The following FER1L5 variants were observed in gnomAD, a reference collection of about 807,000 sequenced individuals.
The protein encoded by FER1L5 is fer-1 like family member 5.
FER1L5 carries 187 observed loss-of-function variants against 279.9 expected under a neutral mutation model. The ratio of observed to expected loss-of-function variants is 0.67; its 90% CI spans 0.59 to 0.75. The LOEUF is 0.75. FER1L5 is among the 30% of genes least tolerant of loss of function. The probability of loss-of-function intolerance (pLI) is 0.00; values close to 1 mark genes in which losing one functional copy is unlikely to be tolerated. For missense variants in FER1L5, 2,091 were observed against 2,594.4 expected (o/e 0.81, Z 4.21); for synonymous variants, 921 against 989.7 (o/e 0.93, Z 1.30).
chr2:96,642,794 G>C lies in FER1L5; in HGVS notation c.-43G>C, dbSNP rs1313130273. 1.3e-6 allele frequency: 2 copies of C among 1,540,024 alleles called. No individual in the cohort carries two copies. The highest frequency in any genetic ancestry group is 1.8e-6 in the Non-Finnish European group (2 of 1,139,788). On this transcript the variant is annotated 5_prime_UTR_variant, in exon 1 of 53. Transcript: ENST00000624922. ...ACTGAGGAGCTCCAAAAAGGAAGCT[G>C]TGGCGCTGCGTAGGGAAGGAGGGAA...
intron 14 of FER1L5, among the ~76,000 whole-genome samples, chr2:96,664,744 T>C (rs1470165591): frequency 6.6e-6 from 1 of 152,164 alleles, no homozygotes; most frequent in Non-Finnish European, 1.5e-5. Context: ...AAGCAATGAG[T>C]GGGTCATACA....
chr2:96,664,781 T>C (rs1275245634), intron 14 of FER1L5, among the ~76,000 whole-genome samples: 1 of 152,246 alleles, frequency 6.6e-6, no homozygotes, highest in Non-Finnish European at 1.5e-5. Flanking sequence ...AACTTAAATG[T>C]GCCCTTTCAC....
chr2:96,685,517 C>T, intron 21 of FER1L5, 88 bp downstream of exon 21: 7 of 1,102,676 alleles, frequency 6.3e-6, no homozygotes, highest in Middle Eastern at 2.5e-4. Flanking sequence ...CTGAACACCT[C>T]CCCCCGCCCT....
At chr2:96,651,267 CTT>C (rs1238913223) in intron 6 of FER1L5, among the ~76,000 whole-genome samples, 1 of 150,054 alleles carries the variant, frequency 6.7e-6, no homozygotes, top group African/African-American at 2.5e-5. Flanking sequence ...TTCTTTCTTT[CTT>C]TCTTTCTTTC....
chr2:96,656,320 A>G (rs1450252007), intron 9 of FER1L5, among the ~76,000 whole-genome samples: 2 of 152,218 alleles, frequency 1.3e-5, no homozygotes, highest in Non-Finnish European at 2.9e-5. Flanking sequence ...ATTGTTTTAC[A>G]TATTTCTTTT....
In FER1L5 at chr2:96,689,288, A is replaced by AT. The variant is rs1336394924; in HGVS notation, c.2438dup (p.Met813IlefsTer48). ...TCACTGCCCCAACTTCTCGGATGTC[A>AT]TGGGGAACAAGACCCTCCCCATGAC... On this transcript the variant is annotated frameshift_variant, in exon 25 of 53. Coordinates refer to ENST00000624922, the MANE Select transcript of FER1L5 (RefSeq NM_001293083.2). LOFTEE classifies it high-confidence loss of function. This position sits in a 1 kb window ranked among gnomAD's most constrained non-coding sequence, Gnocchi z 4.6. The AT allele has an allele frequency of 1.9e-6, 3 of 1,550,450 alleles. No homozygotes were observed. The highest frequency in any genetic ancestry group is 2.6e-6 in the Non-Finnish European group (3 of 1,146,698).
intron 9 of FER1L5, among the ~76,000 whole-genome samples, chr2:96,659,290 T>TTCCTGCCTTCCTTCC (rs1553449027): frequency 1.2e-5 from 1 of 80,942 alleles, no homozygotes; most frequent in Non-Finnish European, 2.7e-5. Context: ...TTTATCAAGC[T>TTCCTGCCTTCCTTCC]TTCCTTCCTT....
chr2:96,689,027 C>A lies in FER1L5; in HGVS notation c.2362-186C>A, dbSNP rs1254940557. 6.5e-6 allele frequency: 4 copies of A among 619,586 alleles called. No homozygotes were observed. Among genetic ancestry groups the A allele is most frequent in the African/African-American group, 1.9e-5 (1 of 52,642 alleles). 38.4% of individuals were successfully genotyped at this position (619,586 alleles called of 1,614,324 possible). ...ACCCCACTCTGCCAGCTGAATGATC[C>A]AGGGCAGGGTTGACCTCTGGGCCTC... On this transcript the variant is annotated intron_variant, in intron 24 of 52. Transcript: ENST00000624922. The surrounding 1 kb of genome is among the most constrained non-coding windows in gnomAD (Gnocchi z 4.6).
At chr2:96,653,974 C>T (rs2075489702) in intron 8 of FER1L5, 2 of 483,818 alleles carry the variant, frequency 4.1e-6, no homozygotes, top group Non-Finnish European at 7.4e-6. Flanking sequence ...TTTCAAGCCA[C>T]CAAAGGCCCC....
chr2:96,689,462 AG>A lies in FER1L5; in HGVS notation c.2525+87del. 6.6e-7 allele frequency: 1 copy of A among 1,519,706 alleles called. No homozygotes were observed. 94.1% of individuals were successfully genotyped at this position (1,519,706 alleles called of 1,614,324 possible). A position where few individuals can be genotyped will look rare whatever the true frequency, so the allele number is the denominator to read the frequency against. The stretch of plus-strand genomic sequence containing the variant: ...CGGCAGCCCAGAAAGATGGGTACCT[AG>A]CCCCTAAGCCTGGTGCCAGAGGGCC... On this transcript the variant is annotated intron_variant, in intron 25 of 52. Transcript: ENST00000624922. The surrounding 1 kb of genome is among the most constrained non-coding windows in gnomAD (Gnocchi z 4.6).
chr2:96,697,541 T>A lies in FER1L5; in HGVS notation c.4099T>A (p.Tyr1367Asn). Residue 1367 changes from tyrosine to asparagine, a missense_variant, in exon 38 of 53, where the codon TAC becomes AAC. Coordinates refer to ENST00000624922, the MANE Select transcript of FER1L5 (RefSeq NM_001293083.2). ...KKHQDFLGYL[Y>N]RKFWFKSSKA... ...CCTTTTTCAGTTCCTAGGCTACCTC[T>A]ACAGAAAGTTCTGGTTCAAGTCCAG... The A allele has an allele frequency of 6.2e-7, 1 of 1,613,680 alleles. No homozygotes were observed. Among genetic ancestry groups the A allele is most frequent in the South Asian group, 1.1e-5 (1 of 90,950 alleles).
At chr2:96,650,154 C>T (rs1321246309) in intron 5 of FER1L5, 26 bp from the exon 6 acceptor site, 5 of 1,537,158 alleles carry the variant, frequency 3.3e-6, no homozygotes, top group East Asian at 4.9e-5. Context: ...AGGCCTCTGA[C>T]CCCACCCTGC....
intron 45 of FER1L5, 143 bp from the exon 46 acceptor site, chr2:96,701,812 C>T: frequency 1.4e-6 from 1 of 712,248 alleles, no homozygotes; most frequent in Non-Finnish European, 2.4e-6. Flanking sequence ...CACCTGCGGC[C>T]TCACAGATAT....
In FER1L5 at chr2:96,699,118, T is replaced by G; in HGVS notation, c.4592T>G (p.Leu1531Arg). 6.2e-7 allele frequency: 1 copy of G among 1,610,004 alleles called. No individual in the cohort carries two copies. The highest frequency in any genetic ancestry group is 1.3e-5 in the African/African-American group (1 of 74,932). ...CGGGACATGTACCAGCCCAACACTC[T>G]GGATCCCATCTTTGGCATGTGAGCT... is the stretch of plus-strand genomic sequence containing the variant. ...GNRDMYQPNTLDPIFGMMFEL... is the reference protein window; with the variant it reads ...GNRDMYQPNTRDPIFGMMFEL... Residue 1531 changes from leucine (L) to arginine (R), a missense_variant, in exon 42 of 53, where the codon CTG becomes CGG. Coordinates refer to ENST00000624922, the MANE Select transcript of FER1L5 (RefSeq NM_001293083.2).
intron 2 of FER1L5, 90 bp downstream of exon 2, chr2:96,646,543 G>A: frequency 7.5e-7 from 1 of 1,331,510 alleles, no homozygotes; most frequent in Non-Finnish European, 1.0e-6. Flanking sequence ...CAGAGGTCTA[G>A]GGAGAGGACG....
chr2:96,687,128 C>G (rs1172772995), intron 23 of FER1L5, among the ~76,000 whole-genome samples: 1 of 152,202 alleles, frequency 6.6e-6, no homozygotes, highest in Non-Finnish European at 1.5e-5. Context: ...GGGCCACTCC[C>G]TCCCCCTTCA....
intron 50 of FER1L5, 26 bp downstream of exon 50, chr2:96,703,372 T>C (rs778699845): frequency 3.1e-6 from 5 of 1,600,804 alleles, no homozygotes; most frequent in Non-Finnish European, 4.3e-6. Flanking sequence ...TGTCTACTGA[T>C]TAGGGCTGCT....
chr2:96,661,330 A>G lies in FER1L5; in HGVS notation c.784A>G (p.Thr262Ala). ...IGFIYHSPGHTLLRKWLGLCQ... is the reference protein window; with the variant it reads ...IGFIYHSPGHALLRKWLGLCQ... ...TGGCCTTTCTGCCTCTCTAGGTCAC[A>G]CACTCCTAAGGAAATGGCTAGGCCT... Residue 262 changes from threonine to alanine, a missense_variant, in exon 11 of 53, where the codon ACA becomes GCA. Thr to Ala is a moderately conservative substitution (Grantham distance 58, BLOSUM62 0). Transcript: ENST00000624922. 6.5e-7 allele frequency: 1 copy of G among 1,541,456 alleles called. No homozygotes were observed. The highest frequency in any genetic ancestry group is 2.5e-5 in the East Asian group (1 of 40,806).
chr2:96,683,265 G>T lies in FER1L5; in HGVS notation c.1670-1062G>T, dbSNP rs564601584. On this transcript the variant is annotated intron_variant, in intron 19 of 52. Coordinates refer to ENST00000624922, the MANE Select transcript of FER1L5 (RefSeq NM_001293083.2). ...AGTTCAAAGTCAGGGTGTCAGTGTT[G>T]ACCCCTGCCGAGGGCTCTGAGGGAG... 5.9e-5 allele frequency among the ~76,000 whole-genome samples: 9 copies of T among 152,278 alleles called. No homozygotes were observed. The East Asian group carries it at 1.4e-3, about 23-fold the overall frequency.
Sources: gnomAD v4.1 joint callset for allele counts (sites outside exome capture counted in the v4.1 genomes callset) on GRCh38, gnomAD v4.1.1 for gene constraint, Gnocchi (gnomAD v3.1) non-coding constraint, MANE v1.5 for transcripts, NCBI Gene and HGNC (gene_info 2026-07-23, HGNC 2026-07-21) for gene names.